ZMAT3: variants seen among roughly 807,000 people sequenced by gnomAD.
The protein encoded by ZMAT3 is zinc finger matrin-type protein 3.
Under a neutral mutation model 32.3 loss-of-function variants are expected in ZMAT3, and 17 were observed. The ratio of observed to expected loss-of-function variants is 0.53; its 90% CI spans 0.36 to 0.79. ZMAT3 has a LOEUF of 0.79. Ranked by LOEUF, ZMAT3 falls within the 30% of genes least tolerant of loss-of-function variation. The pLI is 0.00. For missense variants in ZMAT3, 329 were observed against 359.7 expected (o/e 0.91, Z 0.69); for synonymous variants, 120 against 133.1 (o/e 0.90, Z 0.68).
At position 179,027,587 on chromosome 3, in the gene ZMAT3, C is replaced by A. The variant is rs1576836231; in HGVS notation, c.557+59G>T. Reference sequence around the variant, plus strand: ...ACAAGAATCCCTTTCTACTCTTTTTCTTTAAAGACAGTCAATCTCACATAA... The same window carrying A: ...ACAAGAATCCCTTTCTACTCTTTTTATTTAAAGACAGTCAATCTCACATAA... On this transcript the variant is annotated intron_variant, in intron 4 of 5. Transcript: ENST00000311417. 8 of 1,613,512 alleles carry A rather than the reference C, an allele frequency of 5.0e-6. No homozygotes were observed. The East Asian group carries it at 1.6e-4, about 31-fold the overall frequency.
chr3:179,032,195 G>C (rs963947917), intron 2 of ZMAT3, among the ~76,000 whole-genome samples: 5 of 151,622 alleles, frequency 3.3e-5, no homozygotes, highest in African/African-American at 4.8e-5. Flanking sequence ...GTGGAGACGG[G>C]GTTTCGCCGT....
intron 2 of ZMAT3, among the ~76,000 whole-genome samples, chr3:179,061,538 G>A (rs1297050030): frequency 6.6e-6 from 1 of 151,834 alleles, no homozygotes; most frequent in Non-Finnish European, 1.5e-5. Flanking sequence ...AAGAAAGATT[G>A]AGATGCTAAT....
intron 2 of ZMAT3, among the ~76,000 whole-genome samples, chr3:179,036,523 TGAA>T (rs1719600877): frequency 3.9e-5 from 6 of 151,956 alleles, no homozygotes; most frequent in Admixed American, 3.3e-4. Flanking sequence ...GCAGGAACTA[TGAA>T]GAAGGTAAGA....
Position 179,026,582 on chromosome 3 carries a change from C to T in ZMAT3, c.658+841G>A, listed in dbSNP as rs1359809991. On this transcript the variant is annotated intron_variant, in intron 5 of 5. Transcript: ENST00000311417. ...TGTATTTTCAGTAGACACGGGGTTT[C>T]ACCGTGTTGGCCAGGCTGGTCTCGA... is the stretch of plus-strand genomic sequence containing the variant. Among the ~76,000 whole-genome samples, 5 of 151,964 alleles carry T rather than the reference C, an allele frequency of 3.3e-5. No individual in the cohort carries two copies. The East Asian group carries it at 9.7e-4, about 29-fold the overall frequency.
intron 2 of ZMAT3, among the ~76,000 whole-genome samples, chr3:179,034,531 A>C (rs1434516728): frequency 1.3e-5 from 2 of 152,164 alleles, no homozygotes; most frequent in Non-Finnish European, 2.9e-5. Flanking sequence ...AGGTTATTCT[A>C]CCCAGACCTA....
chr3:179,043,167 A>C (rs1407527734), intron 2 of ZMAT3, among the ~76,000 whole-genome samples: 104 of 152,264 alleles, frequency 6.8e-4, no homozygotes, highest in African/African-American at 2.0e-3. Context: ...TTTATAGATT[A>C]AATGCCATCC....
intron 2 of ZMAT3, among the ~76,000 whole-genome samples, chr3:179,043,492 A>T (rs1720065339): frequency 6.6e-6 from 1 of 152,240 alleles, no homozygotes; most frequent in South Asian, 2.1e-4. Context: ...CTATTTAATA[A>T]ATGGTGCTGG....
chr3:179,066,232 C>T (rs192040120), intron 2 of ZMAT3, among the ~76,000 whole-genome samples: 71 of 152,000 alleles, frequency 4.7e-4, no homozygotes, highest in African/African-American at 1.3e-3. Context: ...AGGGGGAAAA[C>T]GTAAAAATAA....
At chr3:179,050,891 G>T (rs537919227) in intron 2 of ZMAT3, among the ~76,000 whole-genome samples, 1 of 152,258 alleles carries the variant, frequency 6.6e-6, no homozygotes, top group South Asian at 2.1e-4. Flanking sequence ...AAAATCATAT[G>T]ATCACCTCAA....
intron 2 of ZMAT3, among the ~76,000 whole-genome samples, chr3:179,052,339 G>T (rs758217648): frequency 1.5e-4 from 23 of 152,072 alleles, no homozygotes; most frequent in Non-Finnish European, 2.9e-4. Flanking sequence ...CTAAGGCCAT[G>T]AATAGACAAT....
chr3:179,033,197 T>C lies in ZMAT3; in HGVS notation c.271-2198A>G, dbSNP rs563965368. On this transcript the variant is annotated intron_variant, in intron 2 of 5. Coordinates refer to ENST00000311417, the MANE Select transcript of ZMAT3 (RefSeq NM_022470.4). ...ATCTATAACCTTACCCCCAACCCCG[T>C]GCTCTCTGAAACATGTGCTGTGTCC... Among the ~76,000 whole-genome samples the C allele has an allele frequency of 3.5e-3, 537 of 152,334 alleles. 3 individuals are homozygous for C. Among genetic ancestry groups the C allele is most frequent in the African/African-American group, 0.012 (507 of 41,580 alleles).
chr3:179,069,736 A>T (rs767539975), intron 1 of ZMAT3, among the ~76,000 whole-genome samples: 29 of 152,242 alleles, frequency 1.9e-4, no homozygotes, highest in South Asian at 1.0e-3. Context: ...AATGTAGTTA[A>T]GGACAAAGTG....
chr3:179,035,267 T>C (rs1719522212), intron 2 of ZMAT3, among the ~76,000 whole-genome samples: 1 of 152,236 alleles, frequency 6.6e-6, no homozygotes, highest in Non-Finnish European at 1.5e-5. Flanking sequence ...GTCTATCTCT[T>C]GGGCCTTATG....
At chr3:179,061,419 A>C (rs571722129) in intron 2 of ZMAT3, among the ~76,000 whole-genome samples, 6 of 152,352 alleles carry the variant, frequency 3.9e-5, no homozygotes, top group African/African-American at 1.2e-4. Context: ...ACAATGAAGT[A>C]GTGATTCAAA....
rs1037907491 is a variant in ZMAT3 at position 179,024,804 on chromosome 3, C to T, written c.*213G>A. 2.2e-5 allele frequency: 12 copies of T among 548,186 alleles called. No individual in the cohort carries two copies. Among genetic ancestry groups the T allele is most frequent in the Non-Finnish European group, 3.3e-5 (10 of 304,320 alleles). 34.0% of individuals were successfully genotyped at this position (548,186 alleles called of 1,614,324 possible). On this transcript the variant is annotated 3_prime_UTR_variant, in exon 6 of 6. Coordinates refer to ENST00000311417, the MANE Select transcript of ZMAT3 (RefSeq NM_022470.4). ...CTCAACACCATTGACCCTGCAAAAG[C>T]GTTATGACCTAAGAAGCACGTTCTT...
At position 179,030,919 on chromosome 3, in the gene ZMAT3, G is replaced by A. The variant is rs149985781; in HGVS notation, c.351C>T (p.Val117=). Reference sequence around the variant, plus strand: ...GAACAACTGGAGTAGCTGCAGGCTCGACCACATTGCTCATTCTAGCAGGAG... The same window carrying A: ...GAACAACTGGAGTAGCTGCAGGCTCAACCACATTGCTCATTCTAGCAGGAG... ...CPPPARMSNV[V]EPAATPVVPV... The change falls in exon 3 of 6, where the codon GTC becomes GTT. Residue 117 remains valine, a synonymous_variant. Coordinates refer to ENST00000311417, the MANE Select transcript of ZMAT3 (RefSeq NM_022470.4). The A allele has an allele frequency of 8.3e-5, 134 of 1,613,778 alleles. No individual in the cohort carries two copies. The highest frequency in any genetic ancestry group is 8.2e-4 in the Middle Eastern group (5 of 6,062).
intron 2 of ZMAT3, among the ~76,000 whole-genome samples, chr3:179,061,626 T>C (rs1721156623): frequency 6.6e-6 from 1 of 152,170 alleles, no homozygotes; most frequent in African/African-American, 2.4e-5. Flanking sequence ...AACAAAAAGT[T>C]ATTTCAAAGT....
intron 1 of ZMAT3, among the ~76,000 whole-genome samples, chr3:179,069,071 T>C (rs1415642964): frequency 1.4e-5 from 2 of 142,996 alleles, no homozygotes; most frequent in Non-Finnish European, 3.0e-5. Context: ...CATACAGCCT[T>C]AGATTATATT....
intron 2 of ZMAT3, among the ~76,000 whole-genome samples, chr3:179,065,821 G>A (rs1162166951): frequency 2.0e-5 from 3 of 152,080 alleles, no homozygotes; most frequent in South Asian, 4.1e-4. Flanking sequence ...CATGAGAATC[G>A]CTTGAACCCC....
Sources: gnomAD v4.1 joint callset for allele counts (sites outside exome capture counted in the v4.1 genomes callset) on GRCh38, gnomAD v4.1.1 for gene constraint, MANE v1.5 for transcripts, NCBI Gene and HGNC (gene_info 2026-07-23, HGNC 2026-07-21) for gene names.